Variants in RNLS observed in about 807,000 individuals in gnomAD.
RNLS encodes the protein renalase.
Under a neutral mutation model 39.8 loss-of-function variants are expected in RNLS, and 39 were observed. The observed-to-expected ratio is 0.98, with a 90% confidence interval of 0.76 to 1.28. RNLS has a LOEUF of 1.28. Ranked by LOEUF, RNLS falls within the 50% of genes most tolerant of loss-of-function variation. RNLS has a pLI of 0.00. For missense variants in RNLS, 410 were observed against 413.3 expected (o/e 0.99, Z 0.07); for synonymous variants, 147 against 150.7 (o/e 0.98, Z 0.18).
intron 4 of RNLS, among the ~76,000 whole-genome samples, chr10:88,565,678 A>T (rs1479621430): frequency 6.6e-6 from 1 of 152,104 alleles, no homozygotes; most frequent in Admixed American, 6.6e-5. Flanking sequence ...TCCACTAAAA[A>T]AAAAGGAAAG....
intron 4 of RNLS, among the ~76,000 whole-genome samples, chr10:88,441,955 G>A (rs1564801642): frequency 6.6e-6 from 1 of 152,162 alleles, no homozygotes. Context: ...GTTTCTTTGA[G>A]GCAGAGGCAG....
the RNLS span, among the ~76,000 whole-genome samples, chr10:88,203,285 T>C: frequency 2.4e-4 from 4 of 16,384 alleles, 1 homozygote; most frequent in African/African-American, 1.2e-3. Context: ...TATATATATA[T>C]ATATACGTAT....
chr10:88,394,395 G>A lies in RNLS; in HGVS notation c.527-31670C>T, dbSNP rs1297992123. ...AAAAGTGGGCAAAGGATATGAACAG[G>A]CACTTCTCAAAAGAAGACATTAATG... On this transcript the variant is annotated intron_variant, in intron 4 of 6. Transcript: ENST00000331772. Among the ~76,000 whole-genome samples, 14 of 152,076 alleles carry A rather than the reference G, an allele frequency of 9.2e-5. No individual in the cohort carries two copies. In the East Asian group the frequency reaches 2.5e-3, roughly 27 times the overall value.
chr10:88,471,009 A>C (rs1052215950), intron 4 of RNLS, among the ~76,000 whole-genome samples: 1 of 152,144 alleles, frequency 6.6e-6, no homozygotes, highest in African/African-American at 2.4e-5. Context: ...TGCCTGGTAT[A>C]AATTGTGTGG....
chr10:88,371,175 G>T (rs1850529752), intron 4 of RNLS, among the ~76,000 whole-genome samples: 1 of 151,712 alleles, frequency 6.6e-6, no homozygotes, highest in African/African-American at 2.4e-5. Context: ...CTGCCTTAAA[G>T]ATTGTTAAAA....
chr10:88,358,250 A>C (rs1187057755), intron 5 of RNLS, among the ~76,000 whole-genome samples: 2 of 152,228 alleles, frequency 1.3e-5, no homozygotes, highest in African/African-American at 4.8e-5. Context: ...TCTAAAAAAA[A>C]TCTCAAGTAT....
At chr10:88,507,072 TG>T (rs1245047187) in intron 4 of RNLS, among the ~76,000 whole-genome samples, 2 of 152,174 alleles carry the variant, frequency 1.3e-5, no homozygotes, top group Non-Finnish European at 2.9e-5. Flanking sequence ...CTAATAAAAC[TG>T]ATGAATCTTG....
At chr10:88,224,662 T>G in the RNLS span, among the ~76,000 whole-genome samples, 1 of 152,306 alleles carries the variant, frequency 6.6e-6, no homozygotes, top group East Asian at 1.9e-4. Flanking sequence ...TTTCTGTAGC[T>G]GAAATAATAG....
chr10:88,198,127 C>A, the RNLS span, among the ~76,000 whole-genome samples: 1 of 152,342 alleles, frequency 6.6e-6, no homozygotes, highest in Non-Finnish European at 1.5e-5. Flanking sequence ...AGCAGCCCCA[C>A]CCCAGGCCCT....
At chr10:88,264,706 G>T in the RNLS span, among the ~76,000 whole-genome samples, 1 of 152,152 alleles carries the variant, frequency 6.6e-6, no homozygotes, top group Non-Finnish European at 1.5e-5. Context: ...TTGCTAATTT[G>T]TTTGAATTCC....
the RNLS span, among the ~76,000 whole-genome samples, chr10:88,266,608 A>G: frequency 6.6e-6 from 1 of 151,966 alleles, no homozygotes; most frequent in Non-Finnish European, 1.5e-5. Context: ...GGTCTTGCAA[A>G]CAGAAATATT....
intron 3 of RNLS, among the ~76,000 whole-genome samples, chr10:88,575,149 TATATATATATACACACACACAC>T (rs1850095821): frequency 3.6e-5 from 2 of 55,274 alleles, no homozygotes; most frequent in Non-Finnish European, 6.4e-5. Flanking sequence ...TATATATATA[TATATATATATACACACACACAC>T]ACACACACAT....
intron 5 of RNLS, among the ~76,000 whole-genome samples, chr10:88,330,014 G>A (rs990448507): frequency 6.8e-6 from 1 of 146,464 alleles, no homozygotes; most frequent in African/African-American, 2.5e-5. Context: ...TTTTTTTGTT[G>A]TTGTTCTTGT....
intron 4 of RNLS, among the ~76,000 whole-genome samples, chr10:88,369,739 G>A (rs919891877): frequency 6.6e-6 from 1 of 152,092 alleles, no homozygotes; most frequent in African/African-American, 2.4e-5. Flanking sequence ...GAGTGCAGAG[G>A]TGCAATCTTT....
At chr10:88,186,258 C>T in the RNLS span, among the ~76,000 whole-genome samples, 1 of 152,100 alleles carries the variant, frequency 6.6e-6, no homozygotes, top group Non-Finnish European at 1.5e-5. Flanking sequence ...GTTAGAAGAC[C>T]ACTCTGGTTT....
intron 4 of RNLS, among the ~76,000 whole-genome samples, chr10:88,477,005 T>A (rs929884591): frequency 6.6e-6 from 1 of 152,170 alleles, no homozygotes; most frequent in African/African-American, 2.4e-5. Context: ...AAAGCGATAA[T>A]AGTGTGGCCT....
At chr10:88,181,127 G>A in the RNLS span, among the ~76,000 whole-genome samples, 2 of 152,096 alleles carry the variant, frequency 1.3e-5, no homozygotes, top group African/African-American at 4.8e-5. Flanking sequence ...TATCAGATGG[G>A]CCCAGTGTAA....
intron 5 of RNLS, among the ~76,000 whole-genome samples, chr10:88,316,765 A>T (rs2133066818): frequency 6.6e-6 from 1 of 152,344 alleles, no homozygotes; most frequent in South Asian, 2.1e-4. Flanking sequence ...TTCTCGCATA[A>T]CAATGAGAGA....
chr10:88,197,742 A>G, the RNLS span, among the ~76,000 whole-genome samples: 1 of 152,170 alleles, frequency 6.6e-6, no homozygotes. Context: ...CTAATTCGAT[A>G]AGATTGGTGG....
Sources: allele counts gnomAD v4.1 joint callset (sites outside exome capture counted in the v4.1 genomes callset), GRCh38; gene constraint gnomAD v4.1.1; transcripts MANE v1.5; gene names NCBI Gene and HGNC (gene_info 2026-07-23, HGNC 2026-07-21).